Variants in KCNK5 observed in about 807,000 individuals in gnomAD.
The protein encoded by KCNK5 is potassium channel subfamily K member 5.
KCNK5 carries 18 observed loss-of-function variants against 32.9 expected under a neutral mutation model. The ratio of observed to expected loss-of-function variants is 0.55; its 90% confidence interval spans 0.38 to 0.81. The LOEUF (loss-of-function observed/expected upper bound fraction) is 0.81, where lower values mean the gene tolerates loss of function less well. Ranked by LOEUF, KCNK5 falls within the 30% of genes least tolerant of loss-of-function variation. KCNK5 has a pLI of 0.00. For missense variants in KCNK5, 507 were observed against 651.0 expected (o/e 0.78, Z 2.41); for synonymous variants, 276 against 275.3 (o/e 1.00, Z -0.03).
chr6:39,215,267 C>A (rs1483721441), intron 1 of KCNK5, among the ~76,000 whole-genome samples: 1 of 152,142 alleles, frequency 6.6e-6, no homozygotes, highest in Non-Finnish European at 1.5e-5. Flanking sequence ...CTCGGCTCAC[C>A]CCACTTCGCC....
intron 1 of KCNK5, among the ~76,000 whole-genome samples, chr6:39,203,933 C>G (rs568562416): frequency 5.3e-5 from 8 of 152,204 alleles, no homozygotes; most frequent in Admixed American, 2.6e-4. Context: ...CCTCTCCCCC[C>G]GGGTCAGGTG....
chr6:39,223,714 A>G (rs1771601042), intron 1 of KCNK5, among the ~76,000 whole-genome samples: 1 of 152,094 alleles, frequency 6.6e-6, no homozygotes, highest in East Asian at 1.9e-4. Flanking sequence ...CCAACCACAC[A>G]CACAGTTCAG....
intron 4 of KCNK5, among the ~76,000 whole-genome samples, chr6:39,193,877 C>T (rs1470456865): frequency 6.6e-6 from 1 of 152,030 alleles, no homozygotes; most frequent in East Asian, 1.9e-4. Context: ...CCCCATGAAG[C>T]CAAGCTCAGG....
At chr6:39,215,120 T>C (rs1450679151) in intron 1 of KCNK5, among the ~76,000 whole-genome samples, 1 of 152,290 alleles carries the variant, frequency 6.6e-6, no homozygotes, top group African/African-American at 2.4e-5. Flanking sequence ...TCCAACTCTC[T>C]GGGCCATGCA....
chr6:39,220,915 C>T (rs6918122), intron 1 of KCNK5, among the ~76,000 whole-genome samples: 27,333 of 152,152 alleles, frequency 0.18, 3,000 homozygotes, highest in Non-Finnish European at 0.23. Context: ...AGATGACTAG[C>T]TCAATGAAGT....
chr6:39,225,592 G>A lies in KCNK5; in HGVS notation c.186+3334C>T, dbSNP rs570195777. ...AATGAGAAGCGCAGAGGGGTGGACT[G>A]ATGTATTACTTCAGTAACAGAGGTG... On this transcript the variant is annotated intron_variant, in intron 1 of 4. Coordinates refer to ENST00000359534, the MANE Select transcript of KCNK5 (RefSeq NM_003740.4). Among the ~76,000 whole-genome samples the A allele has an allele frequency of 6.6e-4, 101 of 152,306 alleles. 1 individual carries two copies. Among genetic ancestry groups the A allele is most frequent in the African/African-American group, 2.2e-3 (90 of 41,580 alleles).
rs767235748 is a variant in KCNK5 at position 39,195,856 on chromosome 6, A to G, written c.298+20T>C. The G allele has an allele frequency of 1.3e-6, 2 of 1,591,216 alleles. No individual in the cohort carries two copies. The highest frequency in any genetic ancestry group is 2.2e-5 in the East Asian group (1 of 44,692). ...GCTAGGGCATGGATGTGGGTGTCCT[A>G]CAGGTCCCAGAAGACTTACCAATGG... On this transcript the variant is annotated intron_variant, in intron 2 of 4. Coordinates refer to ENST00000359534, the MANE Select transcript of KCNK5 (RefSeq NM_003740.4).
At chr6:39,225,157 T>C (rs1027923623) in intron 1 of KCNK5, among the ~76,000 whole-genome samples, 13 of 152,150 alleles carry the variant, frequency 8.5e-5, no homozygotes, top group African/African-American at 3.1e-4. Flanking sequence ...CCAGTGGGTT[T>C]ATGTATCCTT....
At chr6:39,203,059 T>G (rs552528427) in intron 1 of KCNK5, among the ~76,000 whole-genome samples, 48 of 152,266 alleles carry the variant, frequency 3.2e-4, no homozygotes, top group African/African-American at 1.1e-3. Flanking sequence ...TGCAGAGATC[T>G]GAGACCCAGG....
chr6:39,205,044 C>T (rs1771199539), intron 1 of KCNK5, among the ~76,000 whole-genome samples: 1 of 152,222 alleles, frequency 6.6e-6, no homozygotes, highest in Non-Finnish European at 1.5e-5. Flanking sequence ...CGGTAATCCC[C>T]CAGGGCAGGG....
chr6:39,205,504 A>G (rs1220098874), intron 1 of KCNK5, among the ~76,000 whole-genome samples: 1 of 152,162 alleles, frequency 6.6e-6, no homozygotes, highest in East Asian at 1.9e-4. Flanking sequence ...TGCCCTGCCC[A>G]GGGTGGCTAT....
At chr6:39,209,558 T>G (rs1771291202) in intron 1 of KCNK5, among the ~76,000 whole-genome samples, 1 of 152,018 alleles carries the variant, frequency 6.6e-6, no homozygotes. Context: ...AACCTCCAAC[T>G]CCCCTAACCT....
intron 1 of KCNK5, among the ~76,000 whole-genome samples, chr6:39,220,149 A>T (rs1365971728): frequency 6.6e-6 from 1 of 151,946 alleles, no homozygotes; most frequent in East Asian, 1.9e-4. Flanking sequence ...GCAGGACTGG[A>T]GACTACACCG....
chr6:39,197,288 G>A (rs2113781356), intron 1 of KCNK5, among the ~76,000 whole-genome samples: 1 of 152,360 alleles, frequency 6.6e-6, no homozygotes, highest in Non-Finnish European at 1.5e-5. Context: ...TTGTTCTGAA[G>A]GAAAGTGTAA....
At position 39,191,461 on chromosome 6, in the gene KCNK5, T is replaced by C. The variant is rs1770933868; in HGVS notation, c.929A>G (p.Lys310Arg). 1 of 1,613,414 alleles carries C rather than the reference T, an allele frequency of 6.2e-7. No homozygotes were observed. Among genetic ancestry groups the C allele is most frequent in the South Asian group, 1.1e-5 (1 of 91,040 alleles). ...ACCCCCGCTTGTCTTCATGGCCTTC[T>C]TCCCGATCTGCTTGATGAGGTCGTT... ...TYNDLIKQIG[K>R]KAMKTSGGGE... The change falls in exon 5 of 5, where the codon AAG becomes AGG. Residue 310 changes from lysine (K) to arginine (R), a missense_variant. Transcript: ENST00000359534. This position sits in a 1 kb window ranked among gnomAD's most constrained non-coding sequence, Gnocchi z 5.8.
intron 1 of KCNK5, among the ~76,000 whole-genome samples, chr6:39,214,968 A>G (rs1771406858): frequency 6.6e-6 from 1 of 152,246 alleles, no homozygotes; most frequent in African/African-American, 2.4e-5. Context: ...CACTGGGCAT[A>G]CAGCGGGCAC....
At chr6:39,224,686 G>A (rs1455625755) in intron 1 of KCNK5, among the ~76,000 whole-genome samples, 1 of 152,156 alleles carries the variant, frequency 6.6e-6, no homozygotes, top group African/African-American at 2.4e-5. Flanking sequence ...TCAGCTATAT[G>A]AGCAGTCAAG....
intron 4 of KCNK5, among the ~76,000 whole-genome samples, chr6:39,192,872 G>A (rs868174104): frequency 6.6e-6 from 1 of 152,156 alleles, no homozygotes; most frequent in Admixed American, 6.5e-5. Context: ...AAGGGACCTG[G>A]AGGAAGGGGG....
At chr6:39,228,837 AC>A in intron 1 of KCNK5, 88 bp downstream of exon 1, 1 of 1,319,274 alleles carries the variant, frequency 7.6e-7, no homozygotes, top group East Asian at 2.3e-5. Context: ...ACTGAGGGTC[AC>A]CCAAAGCTGT....
Sources: allele counts gnomAD v4.1 joint callset (sites outside exome capture counted in the v4.1 genomes callset), GRCh38; gene constraint gnomAD v4.1.1; non-coding constraint Gnocchi (gnomAD v3.1); transcripts MANE v1.5; gene names NCBI Gene and HGNC (gene_info 2026-07-23, HGNC 2026-07-21).